The following MAFF variants were observed in gnomAD, a reference collection of about 807,000 sequenced individuals.
The protein encoded by MAFF is MAF bZIP transcription factor F.
In MAFF, 4 loss-of-function variants were observed where a neutral mutation model predicts 2.7. The observed-to-expected ratio is 1.48, with a 90% CI of 0.73 to 3.39. The LOEUF (loss-of-function observed/expected upper bound fraction) is 3.39. Among genes scored for constraint, MAFF ranks in the 30% most tolerant of loss-of-function variants. The probability of loss-of-function intolerance (pLI) is 0.01; values close to 1 mark genes in which losing one functional copy is unlikely to be tolerated. For missense variants in MAFF, 190 were observed against 246.6 expected (o/e 0.77, Z 1.54); for synonymous variants, 113 against 119.4 (o/e 0.95, Z 0.35).
intron 1 of MAFF, among the ~76,000 whole-genome samples, chr22:38,210,623 A>AGTGTGTGTGTGTGTGTGTGTGTGTGT (rs71195095): frequency 6.0e-5 from 8 of 132,914 alleles, no homozygotes; most frequent in Non-Finnish European, 9.5e-5. Context: ...GGACACAGGG[A>AGTGTGTGTGTGTGTGTGTGTGTGTGT]GTGTGTGTGT....
chr22:38,212,248 G>A (rs563917111), intron 1 of MAFF, among the ~76,000 whole-genome samples: 3 of 152,300 alleles, frequency 2.0e-5, no homozygotes, highest in Admixed American at 6.5e-5. Flanking sequence ...TGATCTGCCC[G>A]TCTCAGCCTC....
chr22:38,211,103 C>A (rs1034458668), intron 1 of MAFF, among the ~76,000 whole-genome samples: 7 of 152,038 alleles, frequency 4.6e-5, no homozygotes, highest in African/African-American at 1.7e-4. Context: ...GAGGGACCAG[C>A]CAGTGCAAAG....
chr22:38,208,146 C>T (rs1568998160), intron 1 of MAFF, among the ~76,000 whole-genome samples: 1 of 152,150 alleles, frequency 6.6e-6, no homozygotes, highest in Non-Finnish European at 1.5e-5. Context: ...TGGCTACAGG[C>T]CTGACCCCTC....
chr22:38,214,885 C>T lies in MAFF; in HGVS notation c.*7C>T, dbSNP rs2091134153. The T allele has an allele frequency of 6.6e-7, 1 of 1,510,768 alleles. No homozygotes were observed. The highest frequency in any genetic ancestry group is 8.9e-7 in the Non-Finnish European group (1 of 1,125,446). 93.6% of individuals were successfully genotyped at this position (1,510,768 alleles called of 1,614,324 possible). A position where few individuals can be genotyped will look rare whatever the true frequency, so the allele number is the denominator to read the frequency against. On this transcript the variant is annotated 3_prime_UTR_variant, in exon 3 of 3. Coordinates refer to ENST00000338483, the MANE Select transcript of MAFF (RefSeq NM_012323.4). The surrounding 1 kb of genome is among the most constrained non-coding windows in gnomAD (Gnocchi z 6.3). Reference sequence around the variant, plus strand: ...CCCGGCCTCCTGCTCCTAGTGCCCGCCCCCGCCATGCCTCAGCCACGCCCC... The same window carrying T: ...CCCGGCCTCCTGCTCCTAGTGCCCGTCCCCGCCATGCCTCAGCCACGCCCC...
Position 38,215,896 on chromosome 22 carries a change from C to A in MAFF, c.*1018C>A, listed in dbSNP as rs2091145733. 6.0e-6 allele frequency: 1 copy of A among 167,178 alleles called. No homozygotes were observed. The highest frequency in any genetic ancestry group is 2.4e-5 in the African/African-American group (1 of 41,466). 10.4% of individuals were successfully genotyped at this position (167,178 alleles called of 1,614,324 possible). A position where few individuals can be genotyped will look rare whatever the true frequency, so the allele number is the denominator to read the frequency against. On this transcript the variant is annotated 3_prime_UTR_variant, in exon 3 of 3. Transcript: ENST00000338483. ...AGCCCAGTCTCAGTCCCTCCCCCAA[C>A]ACTGTCCACACTGCCCCTCCCCACT...
intron 1 of MAFF, among the ~76,000 whole-genome samples, chr22:38,210,788 C>T (rs544238380): frequency 4.6e-5 from 7 of 152,004 alleles, no homozygotes; most frequent in Admixed American, 2.0e-4. Context: ...GGCCATGCGT[C>T]GTGGCTCATG....
rs933832812 is a variant in MAFF, at chr22:38,214,943, G to T, written c.*65G>T. ...TCAGCTCCCTCCCCAAAGTGCCTGA[G>T]CGCCGCCTCTGTGCCCAGGTCCCAT... On this transcript the variant is annotated 3_prime_UTR_variant, in exon 3 of 3. Coordinates refer to ENST00000338483, the MANE Select transcript of MAFF (RefSeq NM_012323.4). The surrounding 1 kb of genome is among the most constrained non-coding windows in gnomAD (Gnocchi z 6.3). 1.6e-6 allele frequency: 2 copies of T among 1,241,912 alleles called. No homozygotes were observed. Among genetic ancestry groups the T allele is most frequent in the African/African-American group, 3.1e-5 (2 of 64,720 alleles). The allele number at this position is 1,241,912 out of a possible 1,614,324, so 76.9% of individuals were successfully genotyped here.
intron 1 of MAFF, among the ~76,000 whole-genome samples, chr22:38,212,261 A>G (rs1602336224): frequency 6.6e-6 from 1 of 152,256 alleles, no homozygotes; most frequent in Non-Finnish European, 1.5e-5. Context: ...TCAGCCTCCT[A>G]AAGTGCTGGG....
chr22:38,213,999 G>A, intron 2 of MAFF, 110 bp downstream of exon 2: 1 of 1,193,198 alleles, frequency 8.4e-7, no homozygotes, highest in Non-Finnish European at 1.2e-6. Flanking sequence ...TGGCTCAGCA[G>A]GCACCAGGCC....
At position 38,214,201 on chromosome 22, in the gene MAFF, G is replaced by A. The variant is rs981740575; in HGVS notation, c.37-219G>A. 2.0e-5 allele frequency among the ~76,000 whole-genome samples: 3 copies of A among 152,240 alleles called. No individual in the cohort carries two copies. Among genetic ancestry groups the A allele is most frequent in the Non-Finnish European group, 2.9e-5 (2 of 68,042 alleles). ...TCTCTGGCTGAGTCCAGGGCTTGGC[G>A]CTAGGTTAGAATTCAGGCTGAGCCC... On this transcript the variant is annotated intron_variant, in intron 2 of 2. Transcript: ENST00000338483. This position sits in a 1 kb window ranked among gnomAD's most constrained non-coding sequence, Gnocchi z 6.3.
chr22:38,216,081 C>T lies in MAFF; in HGVS notation c.*1203C>T, dbSNP rs186990694. On this transcript the variant is annotated 3_prime_UTR_variant, in exon 3 of 3. Transcript: ENST00000338483. ...TTTAGGGAAAGCCGGAGAGCAACAA[C>T]AAAAAATGTTTAAGCCGGGCGCGGT... 2.4e-3 allele frequency: 408 copies of T among 167,166 alleles called. 2 individuals carry two copies. The highest frequency in any genetic ancestry group is 3.6e-3 in the Non-Finnish European group (242 of 68,116). 10.4% of individuals were successfully genotyped at this position (167,166 alleles called of 1,614,324 possible). A position where few individuals can be genotyped will look rare whatever the true frequency, so the allele number is the denominator to read the frequency against.
intron 1 of MAFF, among the ~76,000 whole-genome samples, chr22:38,208,971 G>A (rs1234362263): frequency 1.3e-5 from 2 of 151,612 alleles, no homozygotes; most frequent in Admixed American, 6.6e-5. Flanking sequence ...CGTGGGGCTG[G>A]ACACACAGGG....
Position 38,214,740 on chromosome 22 carries a change from C to A in MAFF, c.357C>A (p.Arg119=). 7.1e-7 allele frequency: 1 copy of A among 1,415,662 alleles called. No individual in the cohort carries two copies. Among genetic ancestry groups the A allele is most frequent in the South Asian group, 1.5e-5 (1 of 66,184 alleles). 87.7% of individuals were successfully genotyped at this position (1,415,662 alleles called of 1,614,324 possible). ...GKCEALQGFA[R]SVAAARGPAT... ...GCGAGGCGCTGCAGGGCTTCGCGCG[C>A]TCCGTGGCCGCCGCCCGCGGGCCCG... is the stretch of plus-strand genomic sequence containing the variant. Residue 119 remains arginine, a synonymous_variant, in exon 3 of 3, where the codon CGC becomes CGA. Coordinates refer to ENST00000338483, the MANE Select transcript of MAFF (RefSeq NM_012323.4). The surrounding 1 kb of genome is among the most constrained non-coding windows in gnomAD (Gnocchi z 6.3).
intron 1 of MAFF, among the ~76,000 whole-genome samples, chr22:38,209,113 T>C (rs2091076597): frequency 6.6e-6 from 1 of 151,886 alleles, no homozygotes; most frequent in Admixed American, 6.6e-5. Flanking sequence ...TCGCCCAGGC[T>C]GGAGTGCAGT....
At chr22:38,203,751 A>G (rs2091031867) in intron 1 of MAFF, 1 of 152,252 alleles carries the variant, frequency 6.6e-6, no homozygotes, top group South Asian at 2.1e-4. Context: ...GAGCTCTGCT[A>G]CAGCAGCCCG....
Position 38,214,322 on chromosome 22 carries a change from A to C in MAFF, c.37-98A>C. 5 of 1,191,810 alleles carry C rather than the reference A, an allele frequency of 4.2e-6. No individual in the cohort carries two copies. The South Asian group carries it at 7.8e-5, about 18-fold the overall frequency. The allele number at this position is 1,191,810 out of a possible 1,614,324, so 73.8% of individuals were successfully genotyped here. Reference sequence around the variant, plus strand: ...TCGGGGTTTTGGATCAAGTCCACCCACCACCTCGGCGGCTAAGGCGGTGAA... The same window carrying C: ...TCGGGGTTTTGGATCAAGTCCACCCCCCACCTCGGCGGCTAAGGCGGTGAA... On this transcript the variant is annotated intron_variant, in intron 2 of 2. Transcript: ENST00000338483. This position sits in a 1 kb window ranked among gnomAD's most constrained non-coding sequence, Gnocchi z 6.3.
At position 38,215,083 on chromosome 22, in the gene MAFF, T is replaced by C. The variant is rs768292078; in HGVS notation, c.*205T>C. The C allele has an allele frequency of 2.1e-5, 11 of 528,880 alleles. No individual in the cohort carries two copies. Among genetic ancestry groups the C allele is most frequent in the South Asian group, 7.1e-5 (3 of 42,020 alleles). 32.8% of individuals were successfully genotyped at this position (528,880 alleles called of 1,614,324 possible). The stretch of plus-strand genomic sequence containing the variant: ...CCCTGGGAAGGGGAACTTGGGTAGG[T>C]TGGGGATGGGGCAGAGGTCTGGATC... On this transcript the variant is annotated 3_prime_UTR_variant, in exon 3 of 3. Transcript: ENST00000338483.
intron 1 of MAFF, among the ~76,000 whole-genome samples, chr22:38,213,303 T>C (rs1481196976): frequency 1.3e-5 from 2 of 151,944 alleles, no homozygotes; most frequent in Admixed American, 1.3e-4. Flanking sequence ...ATCTATTCAT[T>C]TGGTGCACAC....
intron 1 of MAFF, among the ~76,000 whole-genome samples, chr22:38,210,605 T>G (rs2091091189): frequency 8.0e-6 from 1 of 125,486 alleles, no homozygotes; most frequent in African/African-American, 2.9e-5. Context: ...AAACCTGAGG[T>G]GGGGAAGGGA....
Sources: allele counts gnomAD v4.1 joint callset (sites outside exome capture counted in the v4.1 genomes callset), GRCh38; gene constraint gnomAD v4.1.1; non-coding constraint Gnocchi (gnomAD v3.1); transcripts MANE v1.5; gene names NCBI Gene and HGNC (gene_info 2026-07-23, HGNC 2026-07-21).